TBCE: variants seen among roughly 807,000 people sequenced by gnomAD.
TBCE encodes the protein tubulin folding cofactor E.
In TBCE, 53 loss-of-function variants were observed where a neutral mutation model predicts 77.0. That is an observed-to-expected ratio of 0.69 (90% confidence interval 0.55 to 0.87). The LOEUF (loss-of-function observed/expected upper bound fraction) is 0.87. TBCE is among the 40% of genes least tolerant of loss of function. TBCE has a pLI of 0.00. For missense variants in TBCE, 624 were observed against 622.4 expected, an observed-to-expected ratio of 1.00 and a Z score of -0.03; for synonymous variants, 235 against 241.3, an observed-to-expected ratio of 0.97 and a Z score of 0.24.
intron 2 of TBCE, among the ~76,000 whole-genome samples, chr1:235,398,782 A>G (rs1678909166): frequency 7.4e-6 from 1 of 136,012 alleles, no homozygotes; most frequent in African/African-American, 2.7e-5. Flanking sequence ...TCGGAAGGCT[A>G]AGGCAAAAGA....
At chr1:235,388,433 GACC>G (rs1376164375) in intron 2 of TBCE, among the ~76,000 whole-genome samples, 8 of 151,452 alleles carry the variant, frequency 5.3e-5, no homozygotes, top group Non-Finnish European at 1.2e-4. Flanking sequence ...GGATTACGGG[GACC>G]CACCACCACA....
intron 6 of TBCE, chr1:235,430,076 G>A (rs1680998940): frequency 6.5e-6 from 1 of 153,182 alleles, no homozygotes; most frequent in Admixed American, 6.5e-5. Context: ...GTACAGTAAA[G>A]CCGGTAGACA....
chr1:235,387,090 CA>C (rs1168820716), intron 2 of TBCE, among the ~76,000 whole-genome samples: 1 of 152,236 alleles, frequency 6.6e-6, no homozygotes, highest in African/African-American at 2.4e-5. Flanking sequence ...TGGGTATCAG[CA>C]GCAGTGGCTG....
At chr1:235,446,402 C>T (rs1005795722) in intron 15 of TBCE, among the ~76,000 whole-genome samples, 16 of 152,174 alleles carry the variant, frequency 1.1e-4, no homozygotes, top group Non-Finnish European at 2.2e-4. Flanking sequence ...GTCTCAAACT[C>T]CTGACCTCAG....
chr1:235,394,631 G>A (rs1383511109), intron 2 of TBCE, among the ~76,000 whole-genome samples: 3 of 151,552 alleles, frequency 2.0e-5, no homozygotes, highest in African/African-American at 7.3e-5. Flanking sequence ...GGTTTTGCCA[G>A]GCTGGTGTTT....
chr1:235,370,293 GC>G (rs2102790868), intron 1 of TBCE, among the ~76,000 whole-genome samples: 2 of 137,738 alleles, frequency 1.5e-5, no homozygotes, highest in Admixed American at 1.5e-4. Flanking sequence ...TTGCTCTGTT[GC>G]CCAGGCTGGA....
chr1:235,377,020 C>A (rs1270358303), intron 1 of TBCE, among the ~76,000 whole-genome samples: 1 of 152,040 alleles, frequency 6.6e-6, no homozygotes, highest in African/African-American at 2.4e-5. Flanking sequence ...ACTTTGGGCT[C>A]GGAGATTATT....
intron 3 of TBCE, among the ~76,000 whole-genome samples, chr1:235,406,757 C>T (rs1679457060): frequency 6.6e-6 from 1 of 151,636 alleles, no homozygotes; most frequent in South Asian, 2.1e-4. Flanking sequence ...GTCTCGAACT[C>T]CTGAACTTTT....
At chr1:235,409,198 A>AGG (rs949402408) in intron 3 of TBCE, among the ~76,000 whole-genome samples, 17 of 152,280 alleles carry the variant, frequency 1.1e-4, no homozygotes, top group African/African-American at 2.9e-4. Context: ...TGTTTCCACA[A>AGG]GGGCCATGGG....
intron 7 of TBCE, chr1:235,432,947 C>A: frequency 7.5e-7 from 1 of 1,336,442 alleles, no homozygotes; most frequent in Non-Finnish European, 9.6e-7. Flanking sequence ...AAAAATTAGG[C>A]TCATGCGCAG....
intron 5 of TBCE, among the ~76,000 whole-genome samples, chr1:235,422,428 A>G (rs1680446540): frequency 6.6e-6 from 1 of 152,086 alleles, no homozygotes. Flanking sequence ...AGGCAGGATA[A>G]TCACTTGAAC....
intron 7 of TBCE, 113 bp downstream of exon 7, chr1:235,430,917 C>G (rs1681047438): frequency 1.1e-6 from 1 of 875,606 alleles, no homozygotes; most frequent in East Asian, 2.7e-5. Context: ...TTTAAATCAT[C>G]CCAGTATCTA....
intron 2 of TBCE, among the ~76,000 whole-genome samples, chr1:235,400,408 C>CTTTTTTTTTTTTTTTTTTTTGTTT (rs71174425): frequency 9.4e-6 from 1 of 106,050 alleles, no homozygotes; most frequent in African/African-American, 4.3e-5. Context: ...TATTTTTCCT[C>CTTTTTTTTTTTTTTTTTTTTGTTT]TTTTTTTTTT....
At chr1:235,395,006 G>C (rs1004771516) in intron 2 of TBCE, among the ~76,000 whole-genome samples, 3 of 152,166 alleles carry the variant, frequency 2.0e-5, no homozygotes, top group Non-Finnish European at 2.9e-5. Flanking sequence ...TTCCAGGCCA[G>C]CTTATATATT....
chr1:235,450,480 G>A lies in TBCE; in HGVS notation c.*1718G>A, dbSNP rs1166830266. The A allele has an allele frequency of 1.0e-5, 11 of 1,104,046 alleles. No homozygotes were observed. Among genetic ancestry groups the A allele is most frequent in the Non-Finnish European group, 1.4e-5 (11 of 779,856 alleles). The allele number at this position is 1,104,046 out of a possible 1,614,324, so 68.4% of individuals were successfully genotyped here. A position where few individuals can be genotyped will look rare whatever the true frequency, so the allele number is the denominator to read the frequency against. On this transcript the variant is annotated 3_prime_UTR_variant, in exon 17 of 17. Coordinates refer to ENST00000642610, the MANE Select transcript of TBCE (RefSeq NM_003193.5). Reference sequence around the variant, plus strand: ...GATAACTCCGTGTGTGGAACAACTGGTGAGGTTTGGGGGTGGCACCTCCTG... The same window carrying A: ...GATAACTCCGTGTGTGGAACAACTGATGAGGTTTGGGGGTGGCACCTCCTG...
intron 15 of TBCE, among the ~76,000 whole-genome samples, chr1:235,447,972 G>GA (rs1302962460): frequency 4.6e-5 from 7 of 151,942 alleles, no homozygotes; most frequent in African/African-American, 1.5e-4. Flanking sequence ...GCACTTTGGG[G>GA]GGCCAGGGCG....
intron 4 of TBCE, among the ~76,000 whole-genome samples, chr1:235,417,513 G>A (rs995988939): frequency 6.6e-6 from 1 of 152,164 alleles, no homozygotes; most frequent in African/African-American, 2.4e-5. Flanking sequence ...GGAATTGGTG[G>A]CGTCCAGTCT....
Position 235,437,482 on chromosome 1 carries a change from C to T in TBCE, c.1116+8C>T. ...ACGCTGAACAAATGTGAGGTGAGCA[C>T]TGGCGTCATGACTAGATATTTTTTA... is the stretch of plus-strand genomic sequence containing the variant. On this transcript the variant is annotated splice_region_variant and intron_variant, in intron 12 of 16. Coordinates refer to ENST00000642610, the MANE Select transcript of TBCE (RefSeq NM_003193.5). 1 of 1,613,882 alleles carries T rather than the reference C, an allele frequency of 6.2e-7. No homozygotes were observed.
intron 11 of TBCE, among the ~76,000 whole-genome samples, chr1:235,437,085 C>T (rs551371098): frequency 1.1e-4 from 17 of 152,166 alleles, no homozygotes; most frequent in South Asian, 2.1e-4. Flanking sequence ...GCCGAGATCG[C>T]GCCGTTGCTC....
Sources: allele counts gnomAD v4.1 joint callset (sites outside exome capture counted in the v4.1 genomes callset), GRCh38; gene constraint gnomAD v4.1.1; transcripts MANE v1.5; gene names NCBI Gene and HGNC (gene_info 2026-07-23, HGNC 2026-07-21).